The following FAM120B variants were observed in gnomAD, a reference collection of about 807,000 sequenced individuals.
FAM120B encodes constitutive coactivator of peroxisome proliferator-activated receptor gamma.
FAM120B carries 83 observed loss-of-function variants against 96.3 expected under a neutral mutation model. The observed-to-expected ratio is 0.86, with a 90% CI of 0.72 to 1.03. FAM120B has a LOEUF of 1.03. Ranked by LOEUF, FAM120B falls within the 50% of genes least tolerant of loss-of-function variation. The probability of loss-of-function intolerance (pLI) is 0.00; values close to 1 mark genes in which losing one functional copy is unlikely to be tolerated. For synonymous variants in FAM120B, 407 were observed against 402.7 expected, an observed-to-expected ratio of 1.01 and a Z score of -0.13; for missense variants, 1,027 against 1,121.2, an observed-to-expected ratio of 0.92 and a Z score of 1.20.
intron 1 of FAM120B, among the ~76,000 whole-genome samples, chr6:170,309,768 T>G (rs1360735091): frequency 6.6e-6 from 1 of 152,018 alleles, no homozygotes; most frequent in African/African-American, 2.4e-5. Flanking sequence ...AGCAGAGGAG[T>G]TTTCTGGCTA....
intron 6 of FAM120B, among the ~76,000 whole-genome samples, chr6:170,364,930 C>T (rs148027671): frequency 1.3e-5 from 2 of 152,150 alleles, no homozygotes; most frequent in African/African-American, 4.8e-5. Context: ...CGTACATGTT[C>T]ATATAGATGA....
chr6:170,311,387 A>G (rs568091810), intron 1 of FAM120B, among the ~76,000 whole-genome samples: 122 of 152,260 alleles, frequency 8.0e-4, no homozygotes, highest in African/African-American at 2.8e-3. Context: ...CCCCATTTCT[A>G]CACTTGATGA....
chr6:170,377,732 G>A (rs1305333390), intron 6 of FAM120B, among the ~76,000 whole-genome samples: 2 of 130,030 alleles, frequency 1.5e-5, no homozygotes, highest in Non-Finnish European at 1.7e-5. Context: ...AATCCCAGAC[G>A]CCTGGGAGAA....
intron 4 of FAM120B, among the ~76,000 whole-genome samples, chr6:170,334,996 A>G (rs1786314872): frequency 6.6e-6 from 1 of 151,346 alleles, no homozygotes; most frequent in African/African-American, 2.4e-5. Context: ...TTGTTCATCT[A>G]AAGATTCACT....
At chr6:170,307,606 T>C (rs550472509) in intron 1 of FAM120B, among the ~76,000 whole-genome samples, 4 of 152,246 alleles carry the variant, frequency 2.6e-5, no homozygotes, top group African/African-American at 9.6e-5. Flanking sequence ...TCTTGACATA[T>C]TTGGGGAACT....
intron 1 of FAM120B, among the ~76,000 whole-genome samples, chr6:170,297,415 A>T (rs908893798): frequency 3.3e-5 from 5 of 152,232 alleles, no homozygotes; most frequent in Non-Finnish European, 7.3e-5. Context: ...ACAGGCATTC[A>T]GACGTGGCCA....
chr6:170,352,741 C>T (rs1271395830), intron 5 of FAM120B, among the ~76,000 whole-genome samples: 3 of 152,062 alleles, frequency 2.0e-5, no homozygotes, highest in Non-Finnish European at 4.4e-5. Context: ...TGGGCTGCAG[C>T]TAAAGCAATG....
chr6:170,328,399 G>A (rs1205958783), intron 3 of FAM120B, among the ~76,000 whole-genome samples: 1 of 152,206 alleles, frequency 6.6e-6, no homozygotes, highest in Admixed American at 6.5e-5. Context: ...GGTTTATGCA[G>A]TACAGGACTG....
upstream of FAM120B, among the ~76,000 whole-genome samples, chr6:170,302,298 C>G (rs1338266509): frequency 6.6e-6 from 1 of 152,136 alleles, no homozygotes; most frequent in Non-Finnish European, 1.5e-5. Flanking sequence ...CATGAGAACT[C>G]AATCACTATC....
intron 4 of FAM120B, 187 bp downstream of exon 4, chr6:170,330,737 T>C (rs1370840769): frequency 5.0e-6 from 3 of 601,562 alleles, no homozygotes; most frequent in Non-Finnish European, 5.9e-6. Flanking sequence ...GATGATGCTG[T>C]GGCAGGTTTA....
intron 6 of FAM120B, among the ~76,000 whole-genome samples, chr6:170,374,660 A>C (rs1368958109): frequency 1.3e-5 from 2 of 152,204 alleles, no homozygotes; most frequent in Non-Finnish European, 2.9e-5. Flanking sequence ...CAAACTTTTC[A>C]GTTTTCAGTA....
At chr6:170,329,787 A>C (rs1785881446) in intron 3 of FAM120B, among the ~76,000 whole-genome samples, 1 of 151,916 alleles carries the variant, frequency 6.6e-6, no homozygotes, top group African/African-American at 2.4e-5. Context: ...TCTCCACTTC[A>C]TTTCTCAGCT....
intron 6 of FAM120B, among the ~76,000 whole-genome samples, chr6:170,382,199 T>C (rs1562587686): frequency 6.6e-6 from 1 of 152,094 alleles, no homozygotes; most frequent in Non-Finnish European, 1.5e-5. Flanking sequence ...ATTAAGAGGA[T>C]TACCTAAACC....
chr6:170,357,563 C>T (rs146022231), intron 5 of FAM120B, among the ~76,000 whole-genome samples: 322 of 152,240 alleles, frequency 2.1e-3, no homozygotes, highest in Middle Eastern at 3.4e-3. Flanking sequence ...AACTAGGATT[C>T]GAGGACACAG....
intron 6 of FAM120B, among the ~76,000 whole-genome samples, chr6:170,361,220 A>ATATATACACG (rs1554286430): frequency 5.5e-4 from 61 of 109,974 alleles, no homozygotes; most frequent in African/African-American, 2.4e-3. Context: ...ATATATATAT[A>ATATATACACG]TATATATATA....
chr6:170,363,797 C>T lies in FAM120B; in HGVS notation c.2283+5479C>T, dbSNP rs1374672713. 6.6e-6 allele frequency among the ~76,000 whole-genome samples: 1 copy of T among 152,274 alleles called. No homozygotes were observed. The highest frequency in any genetic ancestry group is 1.9e-4 in the East Asian group (1 of 5,180). On this transcript the variant is annotated intron_variant, in intron 6 of 10. Transcript: ENST00000476287. This position sits in a 1 kb window ranked among gnomAD's most constrained non-coding sequence, Gnocchi z 4.5. ...TTTGTTTTTTTTAGACAGAGTCTCA[C>T]CCTGTCACCCAGGCTAGAGTGCAGT... is the stretch of plus-strand genomic sequence containing the variant.
upstream of FAM120B, among the ~76,000 whole-genome samples, chr6:170,304,311 C>A (rs1010740733): frequency 1.1e-4 from 17 of 152,320 alleles, no homozygotes; most frequent in African/African-American, 4.1e-4. Flanking sequence ...GATTTCCAGT[C>A]CTTTAAATGT....
chr6:170,345,314 C>T (rs562397396), intron 4 of FAM120B, among the ~76,000 whole-genome samples: 1 of 152,322 alleles, frequency 6.6e-6, no homozygotes, highest in Non-Finnish European at 1.5e-5. Context: ...ACCTTCAGAA[C>T]TCTAACAGGC....
At chr6:170,391,327 G>T in intron 8 of FAM120B, 1 of 510,040 alleles carries the variant, frequency 2.0e-6, no homozygotes, top group African/African-American at 1.9e-5. Context: ...TTGAGGTCAG[G>T]AATTCAAGAC....
Sources: gnomAD v4.1 joint callset for allele counts (sites outside exome capture counted in the v4.1 genomes callset) on GRCh38, gnomAD v4.1.1 for gene constraint, Gnocchi (gnomAD v3.1) non-coding constraint, MANE v1.5 for transcripts, NCBI Gene and HGNC (gene_info 2026-07-23, HGNC 2026-07-21) for gene names.